Variants in SAMD3 observed in about 807,000 individuals in gnomAD.
The protein encoded by SAMD3 is sterile alpha motif domain-containing protein 3.
A neutral mutation model predicts 58.5 loss-of-function variants in SAMD3; 63 were observed. The ratio of observed to expected loss-of-function variants is 1.08; its 90% CI spans 0.88 to 1.33. SAMD3 has a LOEUF of 1.33. Ranked by LOEUF, SAMD3 falls within the 40% of genes most tolerant of loss-of-function variation. The probability of loss-of-function intolerance (pLI) is 0.00; values close to 1 mark genes in which losing one functional copy is unlikely to be tolerated. For missense variants in SAMD3, 604 were observed against 608.4 expected (o/e 0.99, Z 0.08); for synonymous variants, 220 against 210.3 (o/e 1.05, Z -0.40).
chr6:130,331,632 T>C (rs12526519), intron 1 of SAMD3, among the ~76,000 whole-genome samples: 19,989 of 151,534 alleles, frequency 0.13, 1,695 homozygotes, highest in East Asian at 0.36. Flanking sequence ...GGCTGGAGAG[T>C]CGCTTGAACC....
At chr6:130,160,276 C>A (rs1341687998) in intron 8 of SAMD3, 1 of 152,152 alleles carries the variant, frequency 6.6e-6, no homozygotes, top group Non-Finnish European at 1.5e-5. Flanking sequence ...TTGCCTGTCA[C>A]AATAGATTAA....
intron 8 of SAMD3, among the ~76,000 whole-genome samples, chr6:130,157,073 AAAT>A (rs1195363961): frequency 2.9e-4 from 2 of 6,886 alleles, no homozygotes; most frequent in African/African-American, 1.3e-3. Context: ...CCGTCTCAAA[AAAT>A]AAATAAATAA....
At chr6:130,316,736 C>T (rs1031210494) in intron 1 of SAMD3, among the ~76,000 whole-genome samples, 1 of 152,160 alleles carries the variant, frequency 6.6e-6, no homozygotes, top group African/African-American at 2.4e-5. Flanking sequence ...ATACATTATA[C>T]ACTATACCCA....
intron 8 of SAMD3, among the ~76,000 whole-genome samples, chr6:130,162,691 A>C (rs781310168): frequency 6.6e-6 from 1 of 152,116 alleles, no homozygotes; most frequent in Non-Finnish European, 1.5e-5. Context: ...TAAAGGCACT[A>C]TGTAAATAAA....
intron 5 of SAMD3, among the ~76,000 whole-genome samples, chr6:130,192,748 G>A: frequency 6.6e-6 from 1 of 152,128 alleles, no homozygotes; most frequent in Non-Finnish European, 1.5e-5. Flanking sequence ...AACCTCCCTT[G>A]GGAGATCAAT....
chr6:130,174,067 TGCTG>T (rs1227057723), intron 8 of SAMD3, among the ~76,000 whole-genome samples: 1 of 152,208 alleles, frequency 6.6e-6, no homozygotes, highest in Admixed American at 6.5e-5. Context: ...CAGACTGCTG[TGCTG>T]GCAGTGAGAA....
intron 8 of SAMD3, among the ~76,000 whole-genome samples, chr6:130,171,725 C>T (rs1791266613): frequency 6.6e-6 from 1 of 152,100 alleles, no homozygotes; most frequent in Admixed American, 6.5e-5. Flanking sequence ...CTATTAGGTC[C>T]ACTTGGTTCA....
In SAMD3 at chr6:130,291,352, G is replaced by A. The variant is rs549694892; in HGVS notation, c.-188+21626C>T. 4.6e-5 allele frequency among the ~76,000 whole-genome samples: 7 copies of A among 152,240 alleles called. No homozygotes were observed. In the East Asian group the frequency reaches 9.7e-4, roughly 21 times the overall value. ...ACTCCTGACCTCAGGTGATCCACTC[G>A]TCTTAGCCTTCCAAAGTGCTGGGAT... On this transcript the variant is annotated intron_variant, in intron 2 of 13. Transcript: ENST00000368134.
At chr6:130,341,825 T>C (rs1777285118) in intron 1 of SAMD3, among the ~76,000 whole-genome samples, 1 of 152,150 alleles carries the variant, frequency 6.6e-6, no homozygotes, top group Non-Finnish European at 1.5e-5. Flanking sequence ...TCTTCCCCAT[T>C]TTCTGTGTTA....
At chr6:130,245,671 A>G (rs1201116061) in intron 2 of SAMD3, among the ~76,000 whole-genome samples, 1 of 152,184 alleles carries the variant, frequency 6.6e-6, no homozygotes, top group Admixed American at 6.5e-5. Context: ...CTTCCTTTGG[A>G]GCAGAACCAT....
At chr6:130,281,554 C>A (rs914369883) in intron 2 of SAMD3, among the ~76,000 whole-genome samples, 1 of 152,048 alleles carries the variant, frequency 6.6e-6, no homozygotes, top group Non-Finnish European at 1.5e-5. Flanking sequence ...TCATGTCACT[C>A]TTCTGCTTGA....
chr6:130,276,962 A>C (rs990067337), intron 2 of SAMD3, among the ~76,000 whole-genome samples: 2 of 152,188 alleles, frequency 1.3e-5, no homozygotes, highest in African/African-American at 2.4e-5. Flanking sequence ...CACAGGTCCA[A>C]GTAGAGCCAG....
chr6:130,217,845 A>G (rs1052823774), intron 1 of SAMD3, among the ~76,000 whole-genome samples: 2 of 152,248 alleles, frequency 1.3e-5, no homozygotes, highest in African/African-American at 2.4e-5. Flanking sequence ...TGCTGGCGGC[A>G]TATGCCCACT....
In SAMD3 at chr6:130,323,802, C is replaced by CAAAA. The variant is rs766078214; in HGVS notation, c.-303-10713_-303-10710dup. On this transcript the variant is annotated intron_variant, in intron 1 of 13. Transcript: ENST00000368134. Reference sequence around the variant, plus strand: ...TGGGTCACAGAGGTAGACTCTGTCTCAAAAAAAAAAAAAAAAAAAAAAAGA... The same window carrying CAAAA: ...TGGGTCACAGAGGTAGACTCTGTCTCAAAAAAAAAAAAAAAAAAAAAAAAAAAGA... Among the ~76,000 whole-genome samples, 245 of 53,466 alleles carry CAAAA rather than the reference C, an allele frequency of 4.6e-3. 24 individuals are homozygous for CAAAA. The highest frequency in any genetic ancestry group is 0.011 in the African/African-American group (129 of 12,106). The allele number at this position is 53,466 out of a possible 152,430, so 35.1% of individuals were successfully genotyped here. A position where few individuals can be genotyped will look rare whatever the true frequency, so the allele number is the denominator to read the frequency against.
intron 2 of SAMD3, among the ~76,000 whole-genome samples, chr6:130,249,706 A>G (rs1160168774): frequency 1.3e-5 from 2 of 152,224 alleles, no homozygotes; most frequent in East Asian, 3.8e-4. Flanking sequence ...CCTAGTAAGC[A>G]ATGAGCTATG....
Position 130,310,407 on chromosome 6 carries a change from T to A in SAMD3, c.-188+2571A>T, listed in dbSNP as rs189392017. On this transcript the variant is annotated intron_variant, in intron 2 of 13. Transcript: ENST00000368134. ...TTTTATAATTAACCAAAGGAATAAT[T>A]GGCTTTCCAAGGTTAATTACCTCTG... is the stretch of plus-strand genomic sequence containing the variant. 2.1e-3 allele frequency among the ~76,000 whole-genome samples: 321 copies of A among 152,330 alleles called. 2 individuals carry two copies. Among genetic ancestry groups the A allele is most frequent in the African/African-American group, 7.2e-3 (300 of 41,584 alleles).
chr6:130,235,296 C>A (rs1172141428), intron 2 of SAMD3, among the ~76,000 whole-genome samples: 1 of 152,176 alleles, frequency 6.6e-6, no homozygotes, highest in African/African-American at 2.4e-5. Flanking sequence ...TCATTCAACT[C>A]TAAGGTAAAA....
At chr6:130,296,230 G>A (rs1385946585) in intron 2 of SAMD3, among the ~76,000 whole-genome samples, 4 of 152,234 alleles carry the variant, frequency 2.6e-5, no homozygotes, top group African/African-American at 9.6e-5. Flanking sequence ...AAAGTTACTG[G>A]TGAATGGACA....
At chr6:130,251,560 G>A (rs919920956) in intron 2 of SAMD3, among the ~76,000 whole-genome samples, 2 of 152,046 alleles carry the variant, frequency 1.3e-5, no homozygotes, top group African/African-American at 4.8e-5. Flanking sequence ...TGTATATGAG[G>A]TGAGGAAAAA....
Sources: allele counts gnomAD v4.1 joint callset (sites outside exome capture counted in the v4.1 genomes callset), GRCh38; gene constraint gnomAD v4.1.1; transcripts MANE v1.5; gene names NCBI Gene and HGNC (gene_info 2026-07-23, HGNC 2026-07-21).